MYO1E: variants seen among roughly 807,000 people sequenced by gnomAD.
MYO1E encodes the protein myosin IE.
MYO1E carries 68 observed loss-of-function variants against 151.1 expected under a neutral mutation model. That is an observed-to-expected ratio of 0.45 (90% CI 0.37 to 0.55). MYO1E has a LOEUF of 0.55. MYO1E is among the 20% of genes least tolerant of loss of function. The probability of loss-of-function intolerance (pLI) is 0.00; values close to 1 mark genes in which losing one functional copy is unlikely to be tolerated. For synonymous variants in MYO1E, 601 were observed against 501.7 expected, an observed-to-expected ratio of 1.20 and a Z score of -2.64; for missense variants, 1,363 against 1,389.3, an observed-to-expected ratio of 0.98 and a Z score of 0.30.
chr15:59,292,051 A>G (rs2080422862), intron 1 of MYO1E, among the ~76,000 whole-genome samples: 2 of 152,172 alleles, frequency 1.3e-5, no homozygotes, highest in South Asian at 4.1e-4. Context: ...AATCTACCCA[A>G]CACTCTCTAG....
In MYO1E at chr15:59,161,213, T is replaced by A. The variant is rs1361523276; in HGVS notation, c.2645A>T (p.Lys882Ile). ...KFSNTLELKLKKENWGPWSAG... is the reference protein window; with the variant it reads ...KFSNTLELKLIKENWGPWSAG... The stretch of plus-strand genomic sequence containing the variant: ...ACTCCAGGGGCCCCAGTTTTCCTTT[T>A]TCAACTTCAGTTCAAGCCTGCAAAA... Residue 882 changes from lysine (K) to isoleucine (I), a missense_variant, in exon 24 of 28, where the codon AAA (lysine) becomes ATA (isoleucine). Lys to Ile is a moderately radical substitution (Grantham distance 102, BLOSUM62 -3). Transcript: ENST00000288235. The A allele has an allele frequency of 6.2e-7, 1 of 1,613,866 alleles. No homozygotes were observed. Among genetic ancestry groups the A allele is most frequent in the African/African-American group, 1.3e-5 (1 of 75,024 alleles).
intron 1 of MYO1E, among the ~76,000 whole-genome samples, chr15:59,297,770 T>C (rs1675217658): frequency 6.6e-6 from 1 of 151,958 alleles, no homozygotes. Flanking sequence ...TTAGTACAGA[T>C]GAGGTCTCAC....
chr15:59,234,896 A>C (rs2080053265), intron 5 of MYO1E, among the ~76,000 whole-genome samples: 1 of 151,902 alleles, frequency 6.6e-6, no homozygotes, highest in African/African-American at 2.4e-5. Flanking sequence ...ACAGCTGACC[A>C]TGGCAATAAC....
intron 1 of MYO1E, among the ~76,000 whole-genome samples, chr15:59,296,839 C>CTTTTTTT (rs10717328): frequency 8.0e-5 from 10 of 125,548 alleles, no homozygotes; most frequent in Non-Finnish European, 1.2e-4. Flanking sequence ...ATACTTTTTT[C>CTTTTTTT]TTTTTTTTTT....
intron 10 of MYO1E, among the ~76,000 whole-genome samples, chr15:59,215,873 C>T (rs2079910601): frequency 6.6e-6 from 1 of 152,156 alleles, no homozygotes; most frequent in African/African-American, 2.4e-5. Context: ...TAGTCCCAGG[C>T]TGCACCACCC....
At chr15:59,211,579 T>C (rs1471089154) in intron 12 of MYO1E, among the ~76,000 whole-genome samples, 1 of 152,170 alleles carries the variant, frequency 6.6e-6, no homozygotes, top group Non-Finnish European at 1.5e-5. Context: ...CAGATTGGAA[T>C]CTTCACTTGG....
intron 4 of MYO1E, among the ~76,000 whole-genome samples, chr15:59,247,331 A>G (rs1376466022): frequency 6.6e-6 from 1 of 152,232 alleles, no homozygotes; most frequent in Admixed American, 6.5e-5. Context: ...TAGCTATTAC[A>G]TCTCCATTAA....
At chr15:59,172,651 C>CT (rs2079602449) in intron 21 of MYO1E, among the ~76,000 whole-genome samples, 1 of 152,232 alleles carries the variant, frequency 6.6e-6, no homozygotes, top group Non-Finnish European at 1.5e-5. Context: ...TCACCAACAC[C>CT]TGTGGTGAAC....
intron 16 of MYO1E, among the ~76,000 whole-genome samples, chr15:59,195,885 T>C (rs1343657475): frequency 6.6e-6 from 1 of 152,098 alleles, no homozygotes; most frequent in African/African-American, 2.4e-5. Context: ...GATTTTCAGG[T>C]GGTACAGTGA....
intron 1 of MYO1E, among the ~76,000 whole-genome samples, chr15:59,308,217 T>C (rs1455902577): frequency 1.2e-5 from 1 of 81,346 alleles, no homozygotes; most frequent in Non-Finnish European, 2.2e-5. Flanking sequence ...AGTGAGACTC[T>C]GTCTCAAAAA....
At chr15:59,206,104 C>T (rs1373601717) in intron 14 of MYO1E, among the ~76,000 whole-genome samples, 1 of 151,996 alleles carries the variant, frequency 6.6e-6, no homozygotes, top group Admixed American at 6.6e-5. Context: ...TCATCAGCAG[C>T]CCCACACAGC....
chr15:59,155,093 G>T (rs2140307590), intron 25 of MYO1E, among the ~76,000 whole-genome samples: 2 of 152,252 alleles, frequency 1.3e-5, no homozygotes, highest in African/African-American at 4.8e-5. Context: ...GCTGCCTAGG[G>T]TCCCAACAAA....
chr15:59,316,227 G>T (rs60495518), intron 1 of MYO1E, among the ~76,000 whole-genome samples: 1 of 152,168 alleles, frequency 6.6e-6, no homozygotes, highest in East Asian at 1.9e-4. Context: ...CTGTCACAAG[G>T]GCTGTGGCTT....
At chr15:59,372,473 C>T (rs1186510382) in intron 1 of MYO1E, 25 bp downstream of exon 1, 2 of 1,538,278 alleles carry the variant, frequency 1.3e-6, no homozygotes, top group South Asian at 1.2e-5. Flanking sequence ...GTCCGGCGTC[C>T]TAGGACGCGG....
chr15:59,370,637 C>T (rs1277654417), intron 1 of MYO1E, among the ~76,000 whole-genome samples: 2 of 152,228 alleles, frequency 1.3e-5, no homozygotes, highest in Non-Finnish European at 2.9e-5. Flanking sequence ...GCCTTCTTCG[C>T]ATGCATTTGA....
At chr15:59,279,949 TAC>T (rs1302445714) in intron 1 of MYO1E, among the ~76,000 whole-genome samples, 1 of 152,234 alleles carries the variant, frequency 6.6e-6, no homozygotes, top group African/African-American at 2.4e-5. Context: ...ATATAAAATA[TAC>T]ACACACAGAG....
chr15:59,149,788 A>G lies in MYO1E; in HGVS notation c.3080+3802T>C, dbSNP rs531086335. 4.6e-5 allele frequency among the ~76,000 whole-genome samples: 7 copies of G among 152,358 alleles called. No homozygotes were observed. In the East Asian group the frequency reaches 1.3e-3, roughly 29 times the overall value. Reference sequence around the variant, plus strand: ...TCAGAATGTGAAAGCCAGGAAAGAAAGACCATAGTAATCCTACTTTTATAG... The same window carrying G: ...TCAGAATGTGAAAGCCAGGAAAGAAGGACCATAGTAATCCTACTTTTATAG... On this transcript the variant is annotated intron_variant, in intron 26 of 27. Coordinates refer to ENST00000288235, the MANE Select transcript of MYO1E (RefSeq NM_004998.4).
intron 26 of MYO1E, among the ~76,000 whole-genome samples, chr15:59,142,004 G>A (rs2079412920): frequency 6.6e-6 from 1 of 151,804 alleles, no homozygotes; most frequent in Non-Finnish European, 1.5e-5. Flanking sequence ...CTATTCGGGA[G>A]GCTGAGGCAG....
chr15:59,247,649 C>G (rs1451265557), intron 4 of MYO1E, among the ~76,000 whole-genome samples: 2 of 152,144 alleles, frequency 1.3e-5, no homozygotes, highest in Non-Finnish European at 2.9e-5. Flanking sequence ...TTTCAAGAGC[C>G]TTAGCCCTGG....
Sources: allele counts gnomAD v4.1 joint callset (sites outside exome capture counted in the v4.1 genomes callset), GRCh38; gene constraint gnomAD v4.1.1; transcripts MANE v1.5; gene names NCBI Gene and HGNC (gene_info 2026-07-23, HGNC 2026-07-21).